PRKN: variants seen among roughly 807,000 people sequenced by gnomAD.
PRKN encodes the protein E3 ubiquitin-protein ligase parkin.
Under a neutral mutation model 59.5 loss-of-function variants are expected in PRKN, and 56 were observed. That is an observed-to-expected ratio of 0.94 (90% CI 0.76 to 1.18). The LOEUF is 1.18. PRKN is among the 50% of genes most tolerant of loss of function. The pLI is 0.00. For missense variants in PRKN, 657 were observed against 596.4 expected, an observed-to-expected ratio of 1.10 and a Z score of -1.06; for synonymous variants, 250 against 222.1, an observed-to-expected ratio of 1.13 and a Z score of -1.12.
chr6:161,746,236 C>T (rs547735058), intron 7 of PRKN, among the ~76,000 whole-genome samples: 1 of 152,278 alleles, frequency 6.6e-6, no homozygotes, highest in African/African-American at 2.4e-5. Flanking sequence ...TTGTGCCACA[C>T]TGCCTTCTGT....
chr6:161,836,127 C>T (rs1054727324), intron 6 of PRKN, among the ~76,000 whole-genome samples: 1 of 152,074 alleles, frequency 6.6e-6, no homozygotes, highest in East Asian at 1.9e-4. Context: ...ACTCGGAGTG[C>T]GGCCTTTTTA....
intron 5 of PRKN, among the ~76,000 whole-genome samples, chr6:162,025,582 G>GTTT (rs1562468782): frequency 9.0e-4 from 27 of 30,124 alleles, no homozygotes; most frequent in Admixed American, 1.3e-3. Context: ...TATCCATGGT[G>GTTT]CTTTTTTTTT....
Position 161,526,298 on chromosome 6 carries a change from C to A in PRKN, c.1083+22556G>T, listed in dbSNP as rs56228226. 3.9e-5 allele frequency among the ~76,000 whole-genome samples: 6 copies of A among 152,158 alleles called. No homozygotes were observed. Among genetic ancestry groups the A allele is most frequent in the Non-Finnish European group, 5.9e-5 (4 of 68,042 alleles). ...TCATGTGTTCAGACACATGCATGTGCGTGCACACAAACACACCTGTTCAAC... is the reference window on the plus strand; with the variant it reads ...TCATGTGTTCAGACACATGCATGTGAGTGCACACAAACACACCTGTTCAAC... On this transcript the variant is annotated intron_variant, in intron 9 of 11. Transcript: ENST00000366898. The surrounding 1 kb of genome is among the most constrained non-coding windows in gnomAD (Gnocchi z 4.1).
intron 7 of PRKN, among the ~76,000 whole-genome samples, chr6:161,590,239 G>A (rs969060968): frequency 6.6e-6 from 1 of 152,092 alleles, no homozygotes; most frequent in African/African-American, 2.4e-5. Flanking sequence ...ACCAGTAATG[G>A]GACAAGCTGA....
chr6:161,514,942 G>A (rs540325252), intron 9 of PRKN, among the ~76,000 whole-genome samples: 129 of 152,224 alleles, frequency 8.5e-4, no homozygotes, highest in Middle Eastern at 3.4e-3. Context: ...GTCTCAAGCA[G>A]CACTGAACTT....
At chr6:161,734,973 A>T (rs532512128) in intron 7 of PRKN, among the ~76,000 whole-genome samples, 1 of 149,064 alleles carries the variant, frequency 6.7e-6, no homozygotes, top group East Asian at 2.0e-4. Context: ...TTAGAAAAAT[A>T]TTTTCTTTTT....
chr6:162,149,519 T>C lies in PRKN; in HGVS notation c.534+51612A>G, dbSNP rs1367504129. On this transcript the variant is annotated intron_variant, in intron 4 of 11. Coordinates refer to ENST00000366898, the MANE Select transcript of PRKN (RefSeq NM_004562.3). Reference sequence around the variant, plus strand: ...CCAGCCTCCCAAAGTGCAGGGATTATAGGCACGAACCACCATGCCCAGCCA... The same window carrying C: ...CCAGCCTCCCAAAGTGCAGGGATTACAGGCACGAACCACCATGCCCAGCCA... Among the ~76,000 whole-genome samples, 3 of 152,252 alleles carry C rather than the reference T, an allele frequency of 2.0e-5. No individual in the cohort carries two copies. In the East Asian group the frequency reaches 5.8e-4, roughly 29 times the overall value.
rs34053908 is a variant in PRKN at position 162,717,565 on chromosome 6, C to CAA, written c.7+10095_7+10096dup. On this transcript the variant is annotated intron_variant, in intron 1 of 11. Coordinates refer to ENST00000366898, the MANE Select transcript of PRKN (RefSeq NM_004562.3). ...TGAGTGACAGAGGGAGATCTTGTCT[C>CAA]AAAAAAAAAAAAAAAAAAAAGTCAT... Among the ~76,000 whole-genome samples, 1,055 of 117,650 alleles carry CAA rather than the reference C, an allele frequency of 9.0e-3. 10 individuals carry two copies. Among genetic ancestry groups the CAA allele is most frequent in the Middle Eastern group, 0.014 (3 of 212 alleles). The allele number at this position is 117,650 out of a possible 152,430, so 77.2% of individuals were successfully genotyped here. A position where few individuals can be genotyped will look rare whatever the true frequency, so the allele number is the denominator to read the frequency against.
intron 1 of PRKN, among the ~76,000 whole-genome samples, chr6:162,484,402 G>A (rs1023048825): frequency 1.3e-5 from 2 of 152,132 alleles, no homozygotes; most frequent in African/African-American, 4.8e-5. Context: ...TGCTAAAGAT[G>A]CAGCCAACAG....
chr6:162,270,678 A>T (rs1190723279), intron 2 of PRKN: 1 of 152,234 alleles, frequency 6.6e-6, no homozygotes, highest in African/African-American at 2.4e-5. Flanking sequence ...AAAAATCAAT[A>T]GTGTTAACAG....
chr6:161,743,765 T>G (rs1212428530), intron 7 of PRKN, among the ~76,000 whole-genome samples: 1 of 152,176 alleles, frequency 6.6e-6, no homozygotes, highest in East Asian at 1.9e-4. Context: ...CATGCATATG[T>G]TAATGAGTAT....
At chr6:161,703,443 C>T (rs1250628832) in intron 7 of PRKN, among the ~76,000 whole-genome samples, 1 of 152,142 alleles carries the variant, frequency 6.6e-6, no homozygotes, top group African/African-American at 2.4e-5. Flanking sequence ...TCACTACATG[C>T]CCATTAGAAT....
At chr6:162,452,660 A>G (rs1038105757) in intron 1 of PRKN, among the ~76,000 whole-genome samples, 2 of 152,146 alleles carry the variant, frequency 1.3e-5, no homozygotes, top group African/African-American at 4.8e-5. Context: ...TCCTTCCAAA[A>G]AGGGCAGGAG....
chr6:161,985,566 C>T (rs1159542406), intron 5 of PRKN, among the ~76,000 whole-genome samples: 1 of 152,172 alleles, frequency 6.6e-6, no homozygotes, highest in African/African-American at 2.4e-5. Flanking sequence ...TACTATATTC[C>T]TAACATTTTC....
intron 2 of PRKN, among the ~76,000 whole-genome samples, chr6:162,432,881 A>C (rs1191543055): frequency 6.6e-6 from 1 of 152,156 alleles, no homozygotes; most frequent in Non-Finnish European, 1.5e-5. Context: ...TTGCTCCCCC[A>C]AATAAAATTT....
intron 4 of PRKN, among the ~76,000 whole-genome samples, chr6:162,103,127 C>T (rs1344704355): frequency 7.1e-6 from 1 of 140,282 alleles, no homozygotes; most frequent in Non-Finnish European, 1.6e-5. Context: ...TTAAAAAAAA[C>T]AGGATCAGAG....
intron 6 of PRKN, among the ~76,000 whole-genome samples, chr6:161,802,963 G>A (rs1280603781): frequency 6.6e-6 from 1 of 152,088 alleles, no homozygotes; most frequent in African/African-American, 2.4e-5. Flanking sequence ...GAAAAAAACA[G>A]GTGATGTGAG....
At chr6:161,659,983 G>A (rs1483071257) in intron 7 of PRKN, among the ~76,000 whole-genome samples, 1 of 152,156 alleles carries the variant, frequency 6.6e-6, no homozygotes, top group Non-Finnish European at 1.5e-5. Flanking sequence ...TCTTCTTAGA[G>A]TTGCTGCAAC....
rs1444893252 is a variant in PRKN, at chr6:161,357,425, A to C, written c.1285+2663T>G. ...TACCGAGGAGGCCACTAAGGCATGG[A>C]CCCCAGACCTGCTGGGTAAATTCTC... is the stretch of plus-strand genomic sequence containing the variant. On this transcript the variant is annotated intron_variant, in intron 11 of 11. Coordinates refer to ENST00000366898, the MANE Select transcript of PRKN (RefSeq NM_004562.3). This position sits in a 1 kb window ranked among gnomAD's most constrained non-coding sequence, Gnocchi z 5.5. Among the ~76,000 whole-genome samples the C allele has an allele frequency of 6.6e-6, 1 of 152,080 alleles. No individual in the cohort carries two copies. The highest frequency in any genetic ancestry group is 1.5e-5 in the Non-Finnish European group (1 of 68,014).
Sources: gnomAD v4.1 joint callset for allele counts (sites outside exome capture counted in the v4.1 genomes callset) on GRCh38, gnomAD v4.1.1 for gene constraint, Gnocchi (gnomAD v3.1) non-coding constraint, MANE v1.5 for transcripts, NCBI Gene and HGNC (gene_info 2026-07-23, HGNC 2026-07-21) for gene names.